Variants in CD8B observed in about 807,000 individuals in gnomAD.
CD8B encodes CD8 subunit beta.
In CD8B, 6 loss-of-function variants were observed where a neutral mutation model predicts 24.2. The observed-to-expected ratio is 0.25, with a 90% CI of 0.14 to 0.49. The LOEUF is 0.49. Among genes scored for constraint, CD8B ranks in the 20% least tolerant of loss-of-function variants. CD8B has a pLI of 0.98. For missense variants in CD8B, 196 were observed against 271.3 expected, an observed-to-expected ratio of 0.72 and a Z score of 1.95; for synonymous variants, 84 against 108.3, an observed-to-expected ratio of 0.78 and a Z score of 1.39.
In CD8B at chr2:86,841,987, C is replaced by A. The variant is rs1257308667; in HGVS notation, c.*320G>T. 2 of 1,110,870 alleles carry A rather than the reference C, an allele frequency of 1.8e-6. No individual in the cohort carries two copies. The highest frequency in any genetic ancestry group is 1.6e-5 in the African/African-American group (1 of 61,052). 68.8% of individuals were successfully genotyped at this position (1,110,870 alleles called of 1,614,324 possible). ...TGCAAAGATGGTGGCTAAATGGCCA[C>A]CACTAAAGGTCCCAGTTCAGGGAAA... On this transcript the variant is annotated 3_prime_UTR_variant, in exon 6 of 6. Transcript: ENST00000390655.
intron 5 of CD8B, among the ~76,000 whole-genome samples, chr2:86,817,576 A>G (rs1274866509): frequency 6.6e-6 from 1 of 152,186 alleles, no homozygotes; most frequent in Non-Finnish European, 1.5e-5. Flanking sequence ...CATGCCATAT[A>G]TTATTCATTA....
At chr2:86,817,442 G>A (rs1040546102) in intron 5 of CD8B, among the ~76,000 whole-genome samples, 5 of 151,956 alleles carry the variant, frequency 3.3e-5, no homozygotes, top group Non-Finnish European at 7.4e-5. Context: ...AATAAAATAT[G>A]ACACAATAAA....
intron 5 of CD8B, among the ~76,000 whole-genome samples, chr2:86,828,817 C>T (rs979331014): frequency 1.5e-4 from 23 of 152,166 alleles, no homozygotes; most frequent in Admixed American, 9.2e-4. Flanking sequence ...TTCCTTTACT[C>T]TCTTAAAAAT....
intron 5 of CD8B, chr2:86,833,028 A>C (rs1674973934): frequency 5.5e-6 from 2 of 365,402 alleles, no homozygotes; most frequent in African/African-American, 2.6e-5. Context: ...TTTCCCCTCC[A>C]CCCTTCCTCT....
downstream of CD8B, among the ~76,000 whole-genome samples, chr2:86,836,820 A>G (rs573739435): frequency 3.9e-5 from 6 of 152,282 alleles, no homozygotes; most frequent in Non-Finnish European, 7.3e-5. Flanking sequence ...GTATTAGTTC[A>G]GTCATAAATG....
In CD8B at chr2:86,815,651, TA is replaced by T; in HGVS notation, c.687del (p.Thr230GlnfsTer12). On this transcript the variant is annotated frameshift_variant, in exon 6 of 6. Transcript: ENST00000331469. LOFTEE classifies it low-confidence loss of function (END_TRUNC). ...GGGTTAAGCAGCTTCTGTGAGGTTGTAGTATTGCTGTAGTATCCATGCAGGC... is the reference window on the plus strand; with the variant it reads ...GGGTTAAGCAGCTTCTGTGAGGTTGTGTATTGCTGTAGTATCCATGCAGGC... 1.9e-6 allele frequency: 3 copies of T among 1,613,624 alleles called. No individual in the cohort carries two copies. Among genetic ancestry groups the T allele is most frequent in the Non-Finnish European group, 2.5e-6 (3 of 1,179,502 alleles).
chr2:86,826,829 T>TC (rs1674710811), intron 5 of CD8B, among the ~76,000 whole-genome samples: 1 of 151,610 alleles, frequency 6.6e-6, no homozygotes, highest in East Asian at 1.9e-4. Flanking sequence ...TTCTTGTTTT[T>TC]TTTTTTTTTT....
chr2:86,846,474 C>T (rs901736215), intron 4 of CD8B, among the ~76,000 whole-genome samples: 1 of 152,260 alleles, frequency 6.6e-6, no homozygotes, highest in Non-Finnish European at 1.5e-5. Context: ...TGCACTCAAA[C>T]CCAGGTTTGC....
At chr2:86,819,362 G>A (rs1009332755) in intron 5 of CD8B, among the ~76,000 whole-genome samples, 2 of 152,230 alleles carry the variant, frequency 1.3e-5, no homozygotes, top group African/African-American at 4.8e-5. Context: ...TAGCTAGAGA[G>A]AAGTCAATGC....
At chr2:86,859,680 C>G (rs1034717609) in intron 1 of CD8B, among the ~76,000 whole-genome samples, 1 of 151,314 alleles carries the variant, frequency 6.6e-6, no homozygotes, top group Non-Finnish European at 1.5e-5. Flanking sequence ...CACAATCTGA[C>G]CTGGTGAGCC....
chr2:86,849,675 G>A (rs1269594725), intron 3 of CD8B, among the ~76,000 whole-genome samples: 1 of 151,314 alleles, frequency 6.6e-6, no homozygotes, highest in Non-Finnish European at 1.5e-5. Context: ...TGAACTTTGC[G>A]GTATGCAAAT....
intron 3 of CD8B, 105 bp from the exon 4 acceptor site, chr2:86,846,878 C>T: frequency 1.5e-6 from 1 of 670,378 alleles, no homozygotes. Context: ...CCCCACCTCC[C>T]AGAGAATACC....
chr2:86,826,194 G>A (rs1011251700), intron 5 of CD8B, among the ~76,000 whole-genome samples: 2 of 152,038 alleles, frequency 1.3e-5, no homozygotes, highest in East Asian at 3.9e-4. Flanking sequence ...GCTCTGCCCC[G>A]GTTGTCAGAG....
chr2:86,861,180 C>T (rs1676566601), intron 1 of CD8B, among the ~76,000 whole-genome samples: 1 of 152,092 alleles, frequency 6.6e-6, no homozygotes. Context: ...TGTGTGGAGG[C>T]TTCTTCCAAA....
chr2:86,829,095 C>CTTTTATTTTTTTT (rs1674804848), intron 5 of CD8B, among the ~76,000 whole-genome samples: 1 of 82,992 alleles, frequency 1.2e-5, no homozygotes, highest in Non-Finnish European at 2.2e-5. Flanking sequence ...ATGCTCTTTA[C>CTTTTATTTTTTTT]TTTTTTTTTT....
chr2:86,833,102 C>A, intron 5 of CD8B: 1 of 310,068 alleles, frequency 3.2e-6, no homozygotes, highest in Non-Finnish European at 6.5e-6. Flanking sequence ...AGATGCTTTC[C>A]TGTGTTACAA....
At chr2:86,821,699 C>T (rs1476228018) in intron 5 of CD8B, 3 of 430,016 alleles carry the variant, frequency 7.0e-6, no homozygotes, top group African/African-American at 2.0e-5. Context: ...GAACATTTTC[C>T]TTCCCTAGGT....
chr2:86,827,041 C>T (rs1674718380), intron 5 of CD8B, among the ~76,000 whole-genome samples: 1 of 151,922 alleles, frequency 6.6e-6, no homozygotes, highest in South Asian at 2.1e-4. Flanking sequence ...GGCTGGTCTC[C>T]AACTCCTGAC....
chr2:86,824,818 C>T (rs1427453106), intron 5 of CD8B, among the ~76,000 whole-genome samples: 1 of 152,210 alleles, frequency 6.6e-6, no homozygotes, highest in Admixed American at 6.5e-5. Flanking sequence ...ATTGCATAAA[C>T]CTTCCCTGAA....
Sources: allele counts gnomAD v4.1 joint callset (sites outside exome capture counted in the v4.1 genomes callset), GRCh38; gene constraint gnomAD v4.1.1; transcripts MANE v1.5; gene names NCBI Gene and HGNC (gene_info 2026-07-23, HGNC 2026-07-21).